The following LRCH3 variants were observed in gnomAD, a reference collection of about 807,000 sequenced individuals.
LRCH3 encodes the protein DISP complex protein LRCH3.
A neutral mutation model predicts 104.5 loss-of-function variants in LRCH3; 68 were observed. The ratio of observed to expected loss-of-function variants is 0.65; its 90% CI spans 0.54 to 0.80. LRCH3 has a LOEUF of 0.80. Ranked by LOEUF, LRCH3 falls within the 30% of genes least tolerant of loss-of-function variation. The probability of loss-of-function intolerance (pLI) is 0.00; values close to 1 mark genes in which losing one functional copy is unlikely to be tolerated. For synonymous variants in LRCH3, 344 were observed against 361.3 expected (o/e 0.95, Z 0.54); for missense variants, 951 against 953.9 (o/e 1.00, Z 0.04).
chr3:197,793,773 G>T (rs74282712), intron 1 of LRCH3, among the ~76,000 whole-genome samples: 1 of 152,038 alleles, frequency 6.6e-6, no homozygotes, highest in Non-Finnish European at 1.5e-5. Flanking sequence ...TGGTCAAAAC[G>T]TGTAAAAAGA....
chr3:197,860,469 G>A (rs1409967488), intron 15 of LRCH3, among the ~76,000 whole-genome samples: 1 of 152,106 alleles, frequency 6.6e-6, no homozygotes, highest in African/African-American at 2.4e-5. Flanking sequence ...TTGGTAGCCC[G>A]AGGGGGAATA....
chr3:197,812,235 A>C (rs1733206990), intron 1 of LRCH3, among the ~76,000 whole-genome samples: 2 of 152,170 alleles, frequency 1.3e-5, no homozygotes. Flanking sequence ...TGGCTGTTCT[A>C]GGGACTTCAT....
Position 197,834,131 on chromosome 3 carries a change from T to C in LRCH3, c.1103-1543T>C, listed in dbSNP as rs1736362831. On this transcript the variant is annotated intron_variant, in intron 8 of 20. Coordinates refer to ENST00000425562, the MANE Select transcript of LRCH3 (RefSeq NM_001365715.1). Reference sequence around the variant, plus strand: ...TTTTTAGGCAGCCTGTAGAACGTCATGAAGTAACAGGTTGTGGTTTAATGC... The same window carrying C: ...TTTTTAGGCAGCCTGTAGAACGTCACGAAGTAACAGGTTGTGGTTTAATGC... 2.0e-5 allele frequency among the ~76,000 whole-genome samples: 3 copies of C among 152,226 alleles called. No homozygotes were observed. In the South Asian group the frequency reaches 6.2e-4, roughly 32 times the overall value.
At chr3:197,814,207 G>A (rs573270112) in intron 1 of LRCH3, among the ~76,000 whole-genome samples, 67 of 152,322 alleles carry the variant, frequency 4.4e-4, no homozygotes, top group Middle Eastern at 3.4e-3. Flanking sequence ...GGAGGCAAAA[G>A]GCACTTACTT....
intron 17 of LRCH3, among the ~76,000 whole-genome samples, chr3:197,868,297 A>G (rs1473311487): frequency 6.6e-6 from 1 of 151,680 alleles, no homozygotes; most frequent in Non-Finnish European, 1.5e-5. Flanking sequence ...CAATTTATAT[A>G]GCATTTACAT....
At chr3:197,820,850 C>T (rs552033499) in intron 4 of LRCH3, among the ~76,000 whole-genome samples, 3 of 151,116 alleles carry the variant, frequency 2.0e-5, no homozygotes, top group African/African-American at 2.4e-5. Flanking sequence ...GTGTGTGTGT[C>T]TGTGTGTGTT....
At position 197,839,425 on chromosome 3, in the gene LRCH3, G is replaced by GT. The variant is rs1737457808; in HGVS notation, c.1328+31dup. On this transcript the variant is annotated intron_variant, in intron 10 of 20. Transcript: ENST00000425562. Reference sequence around the variant, plus strand: ...TTGAAAAACCAATTCTACTTAATTTGTTTCTGTCTTAATCATGAGAGCATA... The same window carrying GT: ...TTGAAAAACCAATTCTACTTAATTTGTTTTCTGTCTTAATCATGAGAGCATA... 2.1e-6 allele frequency: 3 copies of GT among 1,417,760 alleles called. No individual in the cohort carries two copies. In the East Asian group the frequency reaches 7.0e-5, roughly 33 times the overall value. 87.8% of individuals were successfully genotyped at this position (1,417,760 alleles called of 1,614,324 possible).
At chr3:197,832,106 C>T (rs1384526477) in intron 7 of LRCH3, 91 bp from the exon 8 acceptor site, 1 of 1,343,908 alleles carries the variant, frequency 7.4e-7, no homozygotes, top group African/African-American at 1.5e-5. Context: ...AAGTGATCCT[C>T]CTGCTTTGGT....
rs913019680 is a variant in LRCH3, at chr3:197,874,376, C to T, written c.2131-1322C>T. On this transcript the variant is annotated intron_variant, in intron 19 of 20. Transcript: ENST00000425562. Reference sequence around the variant, plus strand: ...GCGCATGCGAGGAAGGGATCTAGGCCACGGGCTCCTTATGAGAATCTAATG... The same window carrying T: ...GCGCATGCGAGGAAGGGATCTAGGCTACGGGCTCCTTATGAGAATCTAATG... Among the ~76,000 whole-genome samples, 6 of 152,188 alleles carry T rather than the reference C, an allele frequency of 3.9e-5. No homozygotes were observed. The East Asian group carries it at 9.6e-4, about 24-fold the overall frequency.
At position 197,791,457 on chromosome 3, in the gene LRCH3, G is replaced by C; in HGVS notation, c.179G>C (p.Gly60Ala). The C allele has an allele frequency of 6.2e-7, 1 of 1,600,446 alleles. No homozygotes were observed. Among genetic ancestry groups the C allele is most frequent in the Middle Eastern group, 1.7e-4 (1 of 6,020 alleles). The change falls in exon 1 of 21, where the codon GGG (glycine) becomes GCG (alanine). Residue 60 changes from glycine (G) to alanine (A), a missense_variant. By Grantham distance (60) the Gly-to-Ala change is moderately conservative. Coordinates refer to ENST00000425562, the MANE Select transcript of LRCH3 (RefSeq NM_001365715.1). ...GCCCTGGAGGAGGCGGCGGTCACTG[G>C]GGTGCTGAGCCTGAGCGGCCGGAAA... ...DRALEEAAVTGVLSLSGRKLR... is the reference protein window; with the variant it reads ...DRALEEAAVTAVLSLSGRKLR...
chr3:197,820,171 C>T (rs991691654), intron 3 of LRCH3, among the ~76,000 whole-genome samples, 154 bp from the exon 4 acceptor site: 9 of 152,182 alleles, frequency 5.9e-5, no homozygotes, highest in African/African-American at 1.9e-4. Context: ...TATTAATCTT[C>T]GAACCTGTAG....
At chr3:197,793,732 A>G (rs1398227702) in intron 1 of LRCH3, among the ~76,000 whole-genome samples, 1 of 152,202 alleles carries the variant, frequency 6.6e-6, no homozygotes, top group Non-Finnish European at 1.5e-5. Context: ...TTTGTATAGA[A>G]ACCACATTTT....
intron 14 of LRCH3, among the ~76,000 whole-genome samples, chr3:197,857,249 A>G (rs1425457527): frequency 6.7e-6 from 1 of 150,094 alleles, no homozygotes; most frequent in Non-Finnish European, 1.5e-5. Context: ...TATCAGTTAC[A>G]CTGACATTCT....
chr3:197,861,830 G>A (rs1167002887), intron 15 of LRCH3, among the ~76,000 whole-genome samples: 1 of 151,698 alleles, frequency 6.6e-6, no homozygotes, highest in Non-Finnish European at 1.5e-5. Context: ...TGTAGTTAAT[G>A]GCCTCACAGT....
In LRCH3 at chr3:197,807,087, G is replaced by C. The variant is rs551838635; in HGVS notation, c.263-7821G>C. ...GCATACACACATACAAGAGTTAAAA[G>C]TGATTGCTTTAGGGGAGCAGGTATT... On this transcript the variant is annotated intron_variant, in intron 1 of 20. Transcript: ENST00000425562. Among the ~76,000 whole-genome samples the C allele has an allele frequency of 2.0e-5, 3 of 151,906 alleles. No homozygotes were observed. In the South Asian group the frequency reaches 6.2e-4, roughly 32 times the overall value.
At chr3:197,850,924 G>A (rs879555958) in intron 12 of LRCH3, 4 of 816,450 alleles carry the variant, frequency 4.9e-6, no homozygotes, top group Non-Finnish European at 8.8e-6. Context: ...GATTTCGTGG[G>A]GTTCTCCGGG....
intron 1 of LRCH3, among the ~76,000 whole-genome samples, chr3:197,807,344 G>A (rs1410715994): frequency 3.3e-5 from 5 of 151,522 alleles, no homozygotes; most frequent in Non-Finnish European, 5.9e-5. Flanking sequence ...AGCCTCCCAA[G>A]TAGCTGGGAG....
intron 10 of LRCH3, among the ~76,000 whole-genome samples, chr3:197,844,708 C>T (rs1738353887): frequency 6.6e-6 from 1 of 152,072 alleles, no homozygotes; most frequent in Non-Finnish European, 1.5e-5. Flanking sequence ...ACCTCCACCT[C>T]CCAGGTTCAA....
At position 197,832,313 on chromosome 3, in the gene LRCH3, C is replaced by T. The variant is rs773026035; in HGVS notation, c.1098C>T (p.Gly366=). Residue 366 remains glycine (G), a synonymous_variant, in exon 8 of 21, where the codon GGC becomes GGT. Transcript: ENST00000425562. ...ENRGSLVVTN[G]GVEHDLDQID... Reference sequence around the variant, plus strand: ...GCGGCAGTTTGGTAGTAACAAACGGCGGAGGTAAACATAATTCCGGTGACA... The same window carrying T: ...GCGGCAGTTTGGTAGTAACAAACGGTGGAGGTAAACATAATTCCGGTGACA... 6.8e-6 allele frequency: 11 copies of T among 1,612,730 alleles called. 1 individual carries two copies. The highest frequency in any genetic ancestry group is 3.3e-5 in the Admixed American group (2 of 59,928).
Sources: allele counts gnomAD v4.1 joint callset (sites outside exome capture counted in the v4.1 genomes callset), GRCh38; gene constraint gnomAD v4.1.1; transcripts MANE v1.5; gene names NCBI Gene and HGNC (gene_info 2026-07-23, HGNC 2026-07-21).